Variants in SH3GL2 observed in about 807,000 individuals in gnomAD.
SH3GL2 encodes SH3 domain containing GRB2 like 2, endophilin A1.
A neutral mutation model predicts 46.0 loss-of-function variants in SH3GL2; 24 were observed. The observed-to-expected ratio is 0.52, with a 90% CI of 0.38 to 0.73. The LOEUF (loss-of-function observed/expected upper bound fraction) is 0.73, where lower values mean the gene tolerates loss of function less well. Among genes scored for constraint, SH3GL2 ranks in the 30% least tolerant of loss-of-function variants. The pLI, the probability that SH3GL2 is intolerant of heterozygous loss-of-function variation, is 0.00. For missense variants in SH3GL2, 413 were observed against 424.2 expected, an observed-to-expected ratio of 0.97 and a Z score of 0.23; for synonymous variants, 196 against 147.1, an observed-to-expected ratio of 1.33 and a Z score of -2.40.
At chr9:17,682,412 G>T (rs878858557) in intron 1 of SH3GL2, among the ~76,000 whole-genome samples, 19 of 152,126 alleles carry the variant, frequency 1.2e-4, no homozygotes, top group Non-Finnish European at 1.5e-5. Flanking sequence ...CTTTGCAGGG[G>T]CATGGATGAA....
At chr9:17,760,352 G>C (rs1823134867) in intron 2 of SH3GL2, among the ~76,000 whole-genome samples, 1 of 152,034 alleles carries the variant, frequency 6.6e-6, no homozygotes, top group South Asian at 2.1e-4. Context: ...TGAACTGAAA[G>C]ATAAAATCTT....
chr9:17,636,770 C>G (rs1436331499), intron 1 of SH3GL2, among the ~76,000 whole-genome samples: 1 of 152,224 alleles, frequency 6.6e-6, no homozygotes, highest in East Asian at 1.9e-4. Flanking sequence ...TACTACTTAC[C>G]TAGTCCTTGG....
intron 1 of SH3GL2, among the ~76,000 whole-genome samples, chr9:17,692,570 A>G (rs1246712249): frequency 6.6e-6 from 1 of 151,956 alleles, no homozygotes. Context: ...GCTTAAAGAC[A>G]AGAGACGGAG....
intron 1 of SH3GL2, among the ~76,000 whole-genome samples, chr9:17,664,101 A>G (rs898221303): frequency 6.6e-6 from 1 of 152,046 alleles, no homozygotes; most frequent in African/African-American, 2.4e-5. Context: ...CACTGTATCC[A>G]CCCTCCTAGC....
At chr9:17,686,660 AT>A (rs200483487) in intron 1 of SH3GL2, among the ~76,000 whole-genome samples, 69,925 of 138,220 alleles carry the variant, frequency 0.51, 18,568 homozygotes, top group African/African-American at 0.68. Flanking sequence ...GAAATTGGAA[AT>A]CATCATTCTC....
At chr9:17,609,565 C>G (rs1818822741) in intron 1 of SH3GL2, among the ~76,000 whole-genome samples, 1 of 152,066 alleles carries the variant, frequency 6.6e-6, no homozygotes, top group Admixed American at 6.5e-5. Context: ...TGGCTGATCT[C>G]TAGAAGGGAA....
intron 1 of SH3GL2, among the ~76,000 whole-genome samples, chr9:17,678,517 G>C (rs1351891879): frequency 1.3e-5 from 2 of 152,104 alleles, no homozygotes; most frequent in Non-Finnish European, 2.9e-5. Flanking sequence ...GTTCATTGTA[G>C]ATTGTGGATA....
At chr9:17,710,746 T>C (rs1038022088) in intron 1 of SH3GL2, among the ~76,000 whole-genome samples, 4 of 151,932 alleles carry the variant, frequency 2.6e-5, no homozygotes, top group Non-Finnish European at 4.4e-5. Flanking sequence ...ACAATAGGGA[T>C]AAACCTTATA....
At chr9:17,702,508 A>C (rs1191630688) in intron 1 of SH3GL2, among the ~76,000 whole-genome samples, 1 of 152,094 alleles carries the variant, frequency 6.6e-6, no homozygotes, top group Non-Finnish European at 1.5e-5. Context: ...CAAGGAGCAA[A>C]ACATAGTGAA....
At position 17,789,554 on chromosome 9, in the gene SH3GL2, A is replaced by T; in HGVS notation, c.624+4A>T. On this transcript the variant is annotated splice_donor_region_variant and intron_variant, in intron 6 of 8. Transcript: ENST00000380607. Reference sequence around the variant, plus strand: ...GTTCAATCTCTTGGAGATGGATGTAAGTGACTCCTGTGGTTTTCAATTTAA... The same window carrying T: ...GTTCAATCTCTTGGAGATGGATGTATGTGACTCCTGTGGTTTTCAATTTAA... 6.2e-7 allele frequency: 1 copy of T among 1,613,146 alleles called. No homozygotes were observed. The highest frequency in any genetic ancestry group is 1.7e-4 in the Middle Eastern group (1 of 6,050).
At chr9:17,738,767 A>T (rs1822438470) in intron 1 of SH3GL2, among the ~76,000 whole-genome samples, 1 of 151,672 alleles carries the variant, frequency 6.6e-6, no homozygotes, top group African/African-American at 2.4e-5. Flanking sequence ...TCTTGCTCAG[A>T]AGCTGATGCT....
chr9:17,598,213 G>T (rs1429706391), intron 1 of SH3GL2, among the ~76,000 whole-genome samples: 1 of 151,996 alleles, frequency 6.6e-6, no homozygotes, highest in African/African-American at 2.4e-5. Flanking sequence ...AGTGAACAGG[G>T]TACTACTATT....
chr9:17,763,521 A>G (rs1823236533), intron 3 of SH3GL2, among the ~76,000 whole-genome samples: 2 of 152,142 alleles, frequency 1.3e-5, no homozygotes, highest in African/African-American at 4.8e-5. Flanking sequence ...GTCACGAGCA[A>G]AGGAATGCCA....
At chr9:17,580,992 C>T (rs1301495242) in intron 1 of SH3GL2, among the ~76,000 whole-genome samples, 2 of 152,200 alleles carry the variant, frequency 1.3e-5, no homozygotes, top group East Asian at 3.9e-4. Flanking sequence ...TATTTAACTT[C>T]TGAACCTGTC....
intron 8 of SH3GL2, among the ~76,000 whole-genome samples, chr9:17,795,257 A>C (rs1354247671): frequency 1.3e-5 from 2 of 152,200 alleles, no homozygotes; most frequent in Non-Finnish European, 2.9e-5. Flanking sequence ...ACTGTGTTGT[A>C]TGTATCACAA....
intron 6 of SH3GL2, chr9:17,790,339 G>A (rs1310721885): frequency 2.0e-6 from 1 of 511,826 alleles, no homozygotes; most frequent in East Asian, 1.5e-4. Context: ...CCAGCTATCT[G>A]GGGATCCCTT....
intron 1 of SH3GL2, among the ~76,000 whole-genome samples, chr9:17,658,843 C>T (rs573982355): frequency 1.8e-4 from 27 of 152,338 alleles, no homozygotes; most frequent in Admixed American, 3.3e-4. Context: ...GCTTGCTCTA[C>T]CAAGGTACCA....
At chr9:17,762,790 T>C (rs1300493336) in intron 3 of SH3GL2, among the ~76,000 whole-genome samples, 1 of 152,262 alleles carries the variant, frequency 6.6e-6, no homozygotes, top group Non-Finnish European at 1.5e-5. Context: ...TGGTAACCAC[T>C]GTTTTTCACA....
intron 1 of SH3GL2, among the ~76,000 whole-genome samples, chr9:17,682,348 G>A (rs1235267292): frequency 6.6e-6 from 1 of 152,166 alleles, no homozygotes; most frequent in Admixed American, 6.5e-5. Context: ...AGCAAATGTG[G>A]TACATGTACA....
Sources: allele counts gnomAD v4.1 joint callset (sites outside exome capture counted in the v4.1 genomes callset), GRCh38; gene constraint gnomAD v4.1.1; transcripts MANE v1.5; gene names NCBI Gene and HGNC (gene_info 2026-07-23, HGNC 2026-07-21).